USO1: variants seen among roughly 807,000 people sequenced by gnomAD.
The protein encoded by USO1 is general vesicular transport factor p115.
USO1 carries 57 observed loss-of-function variants against 124.5 expected under a neutral mutation model. That is an observed-to-expected ratio of 0.46 (90% CI 0.37 to 0.57). The LOEUF (loss-of-function observed/expected upper bound fraction) is 0.57. USO1 is among the 20% of genes least tolerant of loss of function. The probability of loss-of-function intolerance (pLI) is 0.00; values close to 1 mark genes in which losing one functional copy is unlikely to be tolerated. For missense variants in USO1, 900 were observed against 1,040.6 expected (o/e 0.86, Z 1.86); for synonymous variants, 369 against 362.8 (o/e 1.02, Z -0.19).
At chr4:75,724,958 G>A in intron 1 of USO1, 73 bp downstream of exon 1, 1 of 1,540,530 alleles carries the variant, frequency 6.5e-7, no homozygotes, top group Non-Finnish European at 8.9e-7. Context: ...TCGGAGACCC[G>A]AAGGTCACCT....
At chr4:75,774,318 A>C (rs945428962) in intron 7 of USO1, among the ~76,000 whole-genome samples, 1 of 152,210 alleles carries the variant, frequency 6.6e-6, no homozygotes, top group Non-Finnish European at 1.5e-5. Flanking sequence ...GTTGTGAAGC[A>C]GGTACAGTGG....
chr4:75,745,234 T>C, intron 1 of USO1: 1 of 431,522 alleles, frequency 2.3e-6, no homozygotes, highest in South Asian at 1.7e-5. Flanking sequence ...ATAGTACTGA[T>C]ATTTTTCAGT....
At chr4:75,755,301 T>C (rs1721407868) in intron 3 of USO1, among the ~76,000 whole-genome samples, 1 of 152,250 alleles carries the variant, frequency 6.6e-6, no homozygotes, top group African/African-American at 2.4e-5. Flanking sequence ...CGAAAAGTTT[T>C]GGACATAGTT....
At chr4:75,796,341 C>CTTCTTTTTTTTTTTT (rs1722678757) in intron 13 of USO1, among the ~76,000 whole-genome samples, 1 of 102,064 alleles carries the variant, frequency 9.8e-6, no homozygotes, top group Non-Finnish European at 2.1e-5. Context: ...CCATCATGCT[C>CTTCTTTTTTTTTTTT]TTTTTTTTTT....
intron 7 of USO1, among the ~76,000 whole-genome samples, chr4:75,773,105 A>T (rs767263321): frequency 3.9e-4 from 60 of 152,286 alleles, no homozygotes; most frequent in Admixed American, 6.5e-4. Context: ...TCTCAAAAAA[A>T]AATAATAATA....
chr4:75,810,905 A>G (rs1280886149), intron 22 of USO1, among the ~76,000 whole-genome samples: 1 of 151,608 alleles, frequency 6.6e-6, no homozygotes, highest in African/African-American at 2.4e-5. Flanking sequence ...TAATTTTTGT[A>G]TTTTTAGTAC....
At position 75,787,058 on chromosome 4, in the gene USO1, A is replaced by T; in HGVS notation, c.856-4A>T. 1.3e-6 allele frequency: 2 copies of T among 1,569,758 alleles called. No individual in the cohort carries two copies. The highest frequency in any genetic ancestry group is 1.7e-6 in the Non-Finnish European group (2 of 1,164,996). ...ACAAATTTTGTTTTCTCTTTCTTTC[A>T]CAGCTTGTTCGTGTATTGGTATCTC... On this transcript the variant is annotated splice_polypyrimidine_tract_variant and splice_region_variant and intron_variant, in intron 9 of 23. Transcript: ENST00000514213.
chr4:75,751,602 G>A (rs1223682329), intron 1 of USO1, among the ~76,000 whole-genome samples: 3 of 150,356 alleles, frequency 2.0e-5, no homozygotes, highest in East Asian at 2.0e-4. Flanking sequence ...AGGCCGAGGC[G>A]GGTGGATCAC....
chr4:75,761,314 A>T (rs1041573619), intron 4 of USO1, among the ~76,000 whole-genome samples: 1 of 152,152 alleles, frequency 6.6e-6, no homozygotes, highest in African/African-American at 2.4e-5. Flanking sequence ...TGGGAGACTA[A>T]AGTGGGAAAA....
intron 1 of USO1, among the ~76,000 whole-genome samples, chr4:75,734,157 GA>G (rs1484834719): frequency 6.6e-6 from 1 of 151,998 alleles, no homozygotes; most frequent in East Asian, 1.9e-4. Flanking sequence ...TGTTGGCCAG[GA>G]TGGTCTCGAT....
intron 3 of USO1, among the ~76,000 whole-genome samples, chr4:75,755,693 T>A (rs1721422226): frequency 6.6e-6 from 1 of 152,198 alleles, no homozygotes; most frequent in African/African-American, 2.4e-5. Context: ...CAGGACTGTC[T>A]GTGTTATTAA....
At chr4:75,748,968 A>G (rs981374203) in intron 1 of USO1, among the ~76,000 whole-genome samples, 3 of 151,808 alleles carry the variant, frequency 2.0e-5, no homozygotes, top group Non-Finnish European at 4.4e-5. Context: ...ATATACATAT[A>G]TGTGTATATA....
chr4:75,728,812 G>GTTTTT (rs1720540139), intron 1 of USO1, among the ~76,000 whole-genome samples: 1 of 151,748 alleles, frequency 6.6e-6, no homozygotes, highest in African/African-American at 2.4e-5. Context: ...GTTTTGTTTT[G>GTTTTT]TTTTGAGACA....
At chr4:75,788,171 ATTTTT>A (rs11291010) in intron 10 of USO1, among the ~76,000 whole-genome samples, 1 of 123,250 alleles carries the variant, frequency 8.1e-6, no homozygotes, top group Admixed American at 8.7e-5. Flanking sequence ...TTATTTATTT[ATTTTT>A]TTTTTTTTTT....
rs1721904432 is a variant in USO1 at position 75,770,752 on chromosome 4, T to G, written c.397-70T>G. ...ACTTGTAGTTTCTGGTAAAAGTTAT[T>G]AGTGGAAAAAATGTTTTTCTCGAAA... is the stretch of plus-strand genomic sequence containing the variant. On this transcript the variant is annotated intron_variant, in intron 5 of 23. Transcript: ENST00000514213. 5.7e-6 allele frequency: 9 copies of G among 1,568,206 alleles called. No homozygotes were observed. The East Asian group carries it at 2.0e-4, about 35-fold the overall frequency.
At position 75,808,982 on chromosome 4, in the gene USO1, C is replaced by T; in HGVS notation, c.2406C>T (p.Asn802=). ...QELATLKSQL[N]SQSVEITKLQ... ...TGGCAACTTTAAAGTCTCAGTTAAA[C>T]TCACAATCTGTGGAGATCACCAAAC... The change falls in exon 21 of 24, where the codon AAC becomes AAT. Residue 802 remains asparagine (N), a synonymous_variant. Coordinates refer to ENST00000514213, the MANE Select transcript of USO1 (RefSeq NM_003715.4). 1 of 1,604,608 alleles carries T rather than the reference C, an allele frequency of 6.2e-7. No homozygotes were observed. Among genetic ancestry groups the T allele is most frequent in the Non-Finnish European group, 8.5e-7 (1 of 1,175,598 alleles).
intron 12 of USO1, among the ~76,000 whole-genome samples, chr4:75,792,873 G>A (rs1577965739): frequency 6.6e-6 from 1 of 151,846 alleles, no homozygotes; most frequent in East Asian, 1.9e-4. Context: ...TCTAATCTCT[G>A]TGTCCATGAA....
At position 75,770,444 on chromosome 4, in the gene USO1, A is replaced by T. The variant is rs750569031; in HGVS notation, c.301A>T (p.Asn101Tyr). ...TTTATTTTTGAATATTACAGAAGAA[A>T]ATTCCACAAGACAGAGTGAAGATTT... is the stretch of plus-strand genomic sequence containing the variant. ...SNEEEEEVEE[N>Y]STRQSEDLGS... Residue 101 changes from asparagine (N) to tyrosine (Y), a missense_variant, in exon 5 of 24, where the codon AAT becomes TAT. Coordinates refer to ENST00000514213, the MANE Select transcript of USO1 (RefSeq NM_003715.4). 14 of 1,552,612 alleles carry T rather than the reference A, an allele frequency of 9.0e-6. No individual in the cohort carries two copies. Among genetic ancestry groups the T allele is most frequent in the African/African-American group, 1.4e-5 (1 of 72,748 alleles).
intron 9 of USO1, 148 bp downstream of exon 9, chr4:75,783,006 C>A: frequency 8.8e-7 from 1 of 1,135,790 alleles, no homozygotes. Context: ...TTGCAGTTAT[C>A]CTCTAGCTAG....
Sources: allele counts gnomAD v4.1 joint callset (sites outside exome capture counted in the v4.1 genomes callset), GRCh38; gene constraint gnomAD v4.1.1; transcripts MANE v1.5; gene names NCBI Gene and HGNC (gene_info 2026-07-23, HGNC 2026-07-21).